PDZD2: variants seen among roughly 807,000 people sequenced by gnomAD.
The protein encoded by PDZD2 is PDZ domain-containing protein 2.
Under a neutral mutation model 220.7 loss-of-function variants are expected in PDZD2, and 90 were observed. The observed-to-expected ratio is 0.41, with a 90% CI of 0.34 to 0.49. The LOEUF (loss-of-function observed/expected upper bound fraction) is 0.49. PDZD2 is among the 20% of genes least tolerant of loss of function. The probability of loss-of-function intolerance (pLI) is 0.28; values close to 1 mark genes in which losing one functional copy is unlikely to be tolerated. For synonymous variants in PDZD2, 1,375 were observed against 1,450.5 expected, an observed-to-expected ratio of 0.95 and a Z score of 1.18; for missense variants, 3,174 against 3,608.5, an observed-to-expected ratio of 0.88 and a Z score of 3.08.
chr5:31,760,950 A>G (rs1406404786), intron 1 of PDZD2, among the ~76,000 whole-genome samples: 2 of 152,112 alleles, frequency 1.3e-5, no homozygotes, highest in Non-Finnish European at 2.9e-5. Flanking sequence ...ATAAATAAGC[A>G]AACATTTGTT....
intron 1 of PDZD2, among the ~76,000 whole-genome samples, chr5:31,671,179 C>T (rs754192889): frequency 1.1e-4 from 17 of 152,074 alleles, no homozygotes; most frequent in Non-Finnish European, 2.5e-4. Flanking sequence ...TCACAGAAGT[C>T]AGTCACAGTA....
intron 8 of PDZD2, among the ~76,000 whole-genome samples, chr5:32,051,925 G>T (rs1738594397): frequency 6.6e-6 from 1 of 152,154 alleles, no homozygotes; most frequent in Non-Finnish European, 1.5e-5. Flanking sequence ...AACCATGATG[G>T]TGAACTTGGG....
chr5:32,100,964 G>GT, intron 23 of PDZD2, 141 bp from the exon 24 acceptor site: 1 of 1,601,498 alleles, frequency 6.2e-7, no homozygotes, highest in South Asian at 1.1e-5. Flanking sequence ...GCTGTTATAA[G>GT]TAAGTAAGTG....
At chr5:31,855,636 G>A (rs1177545437) in intron 2 of PDZD2, among the ~76,000 whole-genome samples, 3 of 152,368 alleles carry the variant, frequency 2.0e-5, no homozygotes, top group East Asian at 3.9e-4. Flanking sequence ...CTGAGACGGA[G>A]CAAAGCTGCT....
intron 2 of PDZD2, among the ~76,000 whole-genome samples, chr5:31,913,547 C>T (rs551754042): frequency 6.6e-6 from 1 of 152,204 alleles, no homozygotes; most frequent in South Asian, 2.1e-4. Flanking sequence ...CTGATTCATA[C>T]TATTATAATG....
chr5:32,038,380 C>A (rs945052090), intron 7 of PDZD2, among the ~76,000 whole-genome samples: 2 of 150,916 alleles, frequency 1.3e-5, no homozygotes, highest in African/African-American at 4.9e-5. Context: ...TACACACACA[C>A]ACAAAAATTA....
intron 1 of PDZD2, chr5:31,738,297 CGT>C (rs1464925925): frequency 6.6e-6 from 1 of 152,170 alleles, no homozygotes; most frequent in Non-Finnish European, 1.5e-5. Context: ...GGTGGCCAGC[CGT>C]GTATTGTTGC....
intron 1 of PDZD2, among the ~76,000 whole-genome samples, chr5:31,652,472 A>T (rs2150107482): frequency 6.6e-6 from 1 of 152,330 alleles, no homozygotes; most frequent in Non-Finnish European, 1.5e-5. Flanking sequence ...TATCTTCTCA[A>T]CATGACACTC....
At chr5:31,793,574 AG>A (rs1753839912) in intron 1 of PDZD2, among the ~76,000 whole-genome samples, 1 of 152,200 alleles carries the variant, frequency 6.6e-6, no homozygotes, top group Non-Finnish European at 1.5e-5. Flanking sequence ...TGGGAGGCTG[AG>A]GCGGGCGAAT....
At chr5:31,870,604 T>C (rs1202285487) in intron 2 of PDZD2, among the ~76,000 whole-genome samples, 4 of 152,060 alleles carry the variant, frequency 2.6e-5, no homozygotes, top group African/African-American at 9.7e-5. Flanking sequence ...ATGGAACAAG[T>C]TGGCCAGGCG....
intron 2 of PDZD2, among the ~76,000 whole-genome samples, chr5:31,873,878 G>C (rs1049599844): frequency 3.9e-5 from 6 of 151,962 alleles, no homozygotes; most frequent in African/African-American, 1.4e-4. Context: ...GTACAGGCAT[G>C]CATCACCATG....
At chr5:32,001,670 T>G (rs1027859525) in intron 5 of PDZD2, among the ~76,000 whole-genome samples, 1 of 152,228 alleles carries the variant, frequency 6.6e-6, no homozygotes, top group Non-Finnish European at 1.5e-5. Context: ...CAGCATCTCC[T>G]TCTTAAAGCA....
chr5:31,639,738 A>G lies in PDZD2; in HGVS notation c.-361+301A>G, dbSNP rs2150099674. 6.6e-6 allele frequency among the ~76,000 whole-genome samples: 1 copy of G among 152,180 alleles called. No homozygotes were observed. The highest frequency in any genetic ancestry group is 2.4e-5 in the African/African-American group (1 of 41,554). ...AGACGCACTGCCGGGGGTACTCAAG[A>G]CAGGGCCGGGACCTCCTGCTCGGGC... On this transcript the variant is annotated intron_variant, in intron 1 of 24. Transcript: ENST00000438447. This position sits in a 1 kb window ranked among gnomAD's most constrained non-coding sequence, Gnocchi z 4.1.
chr5:31,978,126 C>T (rs1749949715), intron 2 of PDZD2, among the ~76,000 whole-genome samples: 1 of 152,024 alleles, frequency 6.6e-6, no homozygotes, highest in Non-Finnish European at 1.5e-5. Context: ...TTTTGCATGC[C>T]AGAGGAAAAT....
intron 6 of PDZD2, among the ~76,000 whole-genome samples, chr5:32,014,174 T>G (rs1179911498): frequency 6.6e-6 from 1 of 152,222 alleles, no homozygotes; most frequent in Non-Finnish European, 1.5e-5. Context: ...AAAAAGCCTT[T>G]TAGTTCACAG....
chr5:31,777,074 G>A (rs1330690177), intron 1 of PDZD2, among the ~76,000 whole-genome samples: 1 of 152,172 alleles, frequency 6.6e-6, no homozygotes, highest in Non-Finnish European at 1.5e-5. Context: ...CCTGGAGCCG[G>A]CTCCCTCTGC....
At chr5:31,663,663 A>G (rs935551286) in intron 1 of PDZD2, among the ~76,000 whole-genome samples, 1 of 152,050 alleles carries the variant, frequency 6.6e-6, no homozygotes, top group African/African-American at 2.4e-5. Context: ...AATCTGGGCT[A>G]TTTTTCTTGA....
At chr5:31,966,169 C>G (rs1748731648) in intron 2 of PDZD2, among the ~76,000 whole-genome samples, 5 of 151,968 alleles carry the variant, frequency 3.3e-5, no homozygotes, top group Admixed American at 2.6e-4. Flanking sequence ...CTCTTTAAAC[C>G]TCAGTTTTCT....
chr5:31,950,779 C>T lies in PDZD2; in HGVS notation c.477-32376C>T, dbSNP rs571671907. Reference sequence around the variant, plus strand: ...CCCCATAGTCATCTTTTTCCTAATCCCCAGTCTCTGGCAACCATGATATAT... The same window carrying T: ...CCCCATAGTCATCTTTTTCCTAATCTCCAGTCTCTGGCAACCATGATATAT... On this transcript the variant is annotated intron_variant, in intron 2 of 24. Transcript: ENST00000438447. Among the ~76,000 whole-genome samples, 9 of 152,290 alleles carry T rather than the reference C, an allele frequency of 5.9e-5. No individual in the cohort carries two copies. The South Asian group carries it at 6.2e-4, about 11-fold the overall frequency.
Sources: allele counts gnomAD v4.1 joint callset (sites outside exome capture counted in the v4.1 genomes callset), GRCh38; gene constraint gnomAD v4.1.1; non-coding constraint Gnocchi (gnomAD v3.1); transcripts MANE v1.5; gene names NCBI Gene and HGNC (gene_info 2026-07-23, HGNC 2026-07-21).